Variants in CIBAR1 observed in about 807,000 individuals in gnomAD.
CIBAR1 encodes the protein CBY1-interacting BAR domain-containing protein 1.
In CIBAR1, 25 loss-of-function variants were observed where a neutral mutation model predicts 44.0. The ratio of observed to expected loss-of-function variants is 0.57; its 90% CI spans 0.41 to 0.79. The LOEUF is 0.79. Ranked by LOEUF, CIBAR1 falls within the 30% of genes least tolerant of loss-of-function variation. The pLI, the probability that CIBAR1 is intolerant of heterozygous loss-of-function variation, is 0.00. For missense variants in CIBAR1, 278 were observed against 344.8 expected (o/e 0.81, Z 1.53); for synonymous variants, 115 against 119.0 (o/e 0.97, Z 0.22).
chr8:93,714,776 G>T (rs567754822), intron 6 of CIBAR1, among the ~76,000 whole-genome samples: 22 of 152,146 alleles, frequency 1.4e-4, no homozygotes, highest in Admixed American at 1.1e-3. Flanking sequence ...AAGCTACTGT[G>T]CCTGGCTGGC....
intron 7 of CIBAR1, among the ~76,000 whole-genome samples, chr8:93,723,689 C>T (rs1483033965): frequency 5.3e-5 from 8 of 152,098 alleles, no homozygotes; most frequent in Non-Finnish European, 1.2e-4. Context: ...GAACTTAAGA[C>T]TCATTGAGAC....
intron 6 of CIBAR1, among the ~76,000 whole-genome samples, chr8:93,714,419 G>A (rs1252434973): frequency 1.3e-5 from 2 of 152,072 alleles, no homozygotes; most frequent in Non-Finnish European, 1.5e-5. Flanking sequence ...CAATTTAAAT[G>A]CAAACTCCCA....
chr8:93,704,774 T>C (rs1468452477), intron 3 of CIBAR1, 135 bp from the exon 4 acceptor site: 2 of 561,676 alleles, frequency 3.6e-6, no homozygotes, highest in Admixed American at 6.9e-5. Flanking sequence ...TTGTAATTCC[T>C]GTGGTAATGG....
rs539647129 is a variant in CIBAR1, at chr8:93,703,647, G to A, written c.289G>A (p.Glu97Lys). The change falls in exon 3 of 9, where the codon GAA becomes AAA. Residue 97 changes from glutamate to lysine, a missense_variant. Physicochemically the swap from Glu to Lys is moderately conservative, Grantham distance 56 (BLOSUM62 1). Around this residue, in one of 3 missense-constraint regions of CIBAR1, gnomAD observed 183 missense variants for 218.6 expected, o/e 0.84. Transcript: ENST00000518322. ...EVERLEAKVV[E>K]PLKTYGTIVK... ...TGAAAGACTTGAAGCCAAAGTAGTT[G>A]AACCCTTGAAAACTTATGGGACCAT... 51 of 1,551,158 alleles carry A rather than the reference G, an allele frequency of 3.3e-5. No homozygotes were observed. Among genetic ancestry groups the A allele is most frequent in the Admixed American group, 2.2e-4 (11 of 51,092 alleles).
At chr8:93,725,179 CG>C in intron 7 of CIBAR1, among the ~76,000 whole-genome samples, 1 of 152,052 alleles carries the variant, frequency 6.6e-6, no homozygotes, top group Middle Eastern at 3.2e-3. Context: ...GATAGGGTTT[CG>C]CCATGTTGCC....
chr8:93,720,260 G>A (rs570560701), intron 7 of CIBAR1: 1 of 152,270 alleles, frequency 6.6e-6, no homozygotes, highest in Non-Finnish European at 1.5e-5. Context: ...GGGATCACAG[G>A]CGTGAGCCAC....
At chr8:93,722,037 G>GA (rs1349414100) in intron 7 of CIBAR1, among the ~76,000 whole-genome samples, 1 of 151,974 alleles carries the variant, frequency 6.6e-6, no homozygotes, top group East Asian at 1.9e-4. Context: ...GCATGTCATG[G>GA]AAAAAAACAA....
rs1050724733 is a variant in CIBAR1, at chr8:93,703,553, A to T, written c.262-67A>T. On this transcript the variant is annotated intron_variant, in intron 2 of 8. Coordinates refer to ENST00000518322, the MANE Select transcript of CIBAR1 (RefSeq NM_145269.5). ...TTCTGAGTCTTATCAATTTCTAGTG[A>T]TTAGCCTTTTATTTATAGGTTAAAA... 5 of 916,962 alleles carry T rather than the reference A, an allele frequency of 5.5e-6. No individual in the cohort carries two copies. The Admixed American group carries it at 1.1e-4, about 20-fold the overall frequency. The allele number at this position is 916,962 out of a possible 1,614,324, so 56.8% of individuals were successfully genotyped here.
intron 7 of CIBAR1, chr8:93,719,455 T>C (rs1811160262): frequency 6.6e-6 from 1 of 152,228 alleles, no homozygotes; most frequent in African/African-American, 2.4e-5. Context: ...TGCCCAAAGC[T>C]TTACATGCAT....
intron 7 of CIBAR1, chr8:93,719,677 T>C (rs1811170327): frequency 6.6e-6 from 1 of 152,238 alleles, no homozygotes; most frequent in Non-Finnish European, 1.5e-5. Flanking sequence ...CTGATGGTTT[T>C]AGTTAAATGC....
intron 5 of CIBAR1, among the ~76,000 whole-genome samples, chr8:93,709,049 C>G (rs994745729): frequency 1.3e-5 from 2 of 152,100 alleles, no homozygotes; most frequent in African/African-American, 4.8e-5. Context: ...GAGGCTGAGG[C>G]TGGTGGATCA....
At chr8:93,702,733 A>G (rs1259553661) in intron 2 of CIBAR1, among the ~76,000 whole-genome samples, 2 of 152,168 alleles carry the variant, frequency 1.3e-5, no homozygotes, top group Non-Finnish European at 1.5e-5. Context: ...AAACATTCAT[A>G]TACATTTCAT....
chr8:93,704,221 T>C (rs1322154983), intron 3 of CIBAR1, among the ~76,000 whole-genome samples: 1 of 152,220 alleles, frequency 6.6e-6, no homozygotes, highest in Non-Finnish European at 1.5e-5. Flanking sequence ...AAAATAATTA[T>C]GAAAAATATA....
In CIBAR1 at chr8:93,728,272, C is replaced by T; in HGVS notation, c.845C>T (p.Thr282Ile). 2 of 1,588,534 alleles carry T rather than the reference C, an allele frequency of 1.3e-6. No homozygotes were observed. Among genetic ancestry groups the T allele is most frequent in the East Asian group, 2.3e-5 (1 of 43,488 alleles). The change falls in exon 9 of 9, where the codon ACA becomes ATA. Residue 282 changes from threonine (T) to isoleucine (I), a missense_variant. Coordinates refer to ENST00000518322, the MANE Select transcript of CIBAR1 (RefSeq NM_145269.5). ...EDDEDDELDV[T>I]EEENFLK is the part of the protein sequence containing the mutation. ...GATGAGGATGACGAGTTAGATGTTA[C>T]AGAAGAAGAAAATTTTCTTAAGTAA...
At chr8:93,720,578 T>C (rs575382300) in intron 7 of CIBAR1, among the ~76,000 whole-genome samples, 265 of 152,138 alleles carry the variant, frequency 1.7e-3, no homozygotes, top group African/African-American at 6.0e-3. Flanking sequence ...CTTTTAAAAA[T>C]TGATTATGAA....
intron 6 of CIBAR1, among the ~76,000 whole-genome samples, chr8:93,718,210 TTA>T (rs1811108004): frequency 6.6e-6 from 1 of 152,184 alleles, no homozygotes; most frequent in East Asian, 1.9e-4. Context: ...AGTAACTCCT[TTA>T]TGTTTAGAGA....
chr8:93,722,368 A>G (rs1217569362), intron 7 of CIBAR1, among the ~76,000 whole-genome samples: 2 of 152,236 alleles, frequency 1.3e-5, no homozygotes, highest in Non-Finnish European at 2.9e-5. Flanking sequence ...AGGCACCTCC[A>G]GTTATATCAC....
At position 93,702,338 on chromosome 8, in the gene CIBAR1, A is replaced by C. The variant is rs921257871; in HGVS notation, c.261+880A>C. On this transcript the variant is annotated intron_variant, in intron 2 of 8. Coordinates refer to ENST00000518322, the MANE Select transcript of CIBAR1 (RefSeq NM_145269.5). ...ATAAACAAGTAACTCTCAATTATAT[A>C]TGATAACTGGGGACTTAATGTTTCA... The C allele has an allele frequency of 1.1e-4, 44 of 395,282 alleles. 1 individual carries two copies. Among genetic ancestry groups the C allele is most frequent in the Admixed American group, 4.4e-4 (14 of 31,596 alleles). The allele number at this position is 395,282 out of a possible 1,614,324, so 24.5% of individuals were successfully genotyped here. A position where few individuals can be genotyped will look rare whatever the true frequency, so the allele number is the denominator to read the frequency against.
intron 5 of CIBAR1, 79 bp from the exon 6 acceptor site, chr8:93,709,692 T>G: frequency 1.7e-6 from 2 of 1,171,410 alleles, no homozygotes; most frequent in Non-Finnish European, 2.5e-6. Context: ...ACTGCAATGG[T>G]AGAATTTACC....
Sources: allele counts gnomAD v4.1 joint callset (sites outside exome capture counted in the v4.1 genomes callset), GRCh38; gene constraint gnomAD v4.1.1; regional missense constraint gnomAD v4.1.1; transcripts MANE v1.5; gene names NCBI Gene and HGNC (gene_info 2026-07-23, HGNC 2026-07-21).